The following ZFP62 variants were observed in gnomAD, a reference collection of about 807,000 sequenced individuals.
ZFP62 encodes ZFP62 zinc finger protein.
In ZFP62, 44 loss-of-function variants were observed where a neutral mutation model predicts 56.4. That is an observed-to-expected ratio of 0.78 (90% CI 0.61 to 1.00). ZFP62 has a LOEUF of 1.00. Ranked by LOEUF, ZFP62 falls within the 50% of genes least tolerant of loss-of-function variation. The pLI, the probability that ZFP62 is intolerant of heterozygous loss-of-function variation, is 0.00. For synonymous variants in ZFP62, 421 were observed against 388.9 expected, an observed-to-expected ratio of 1.08 and a Z score of -0.97; for missense variants, 1,030 against 1,085.7, an observed-to-expected ratio of 0.95 and a Z score of 0.72.
Position 180,851,370 on chromosome 5 carries a change from G to T in ZFP62, c.125C>A (p.Thr42Lys). 6.4e-7 allele frequency: 1 copy of T among 1,551,574 alleles called. No individual in the cohort carries two copies. Among genetic ancestry groups the T allele is most frequent in the Non-Finnish European group, 8.7e-7 (1 of 1,146,976 alleles). ...CTCTACCTTGCTATCCCAAACACAT[G>T]TGTCACCAACCTTAGATTCAGGCAT... ...DPMPESKVGD[T>K]CVWDSKVENQ... The change falls in exon 2 of 2, where the codon ACA becomes AAA. Residue 42 changes from threonine to lysine, a missense_variant. Thr to Lys is a moderately conservative substitution (Grantham distance 78). Coordinates refer to ENST00000502412, the MANE Select transcript of ZFP62 (RefSeq NM_001172638.2).
the ZFP62 span, among the ~76,000 whole-genome samples, chr5:180,837,956 G>GA: frequency 2.0e-5 from 3 of 152,050 alleles, no homozygotes; most frequent in Non-Finnish European, 2.9e-5. Flanking sequence ...TTTCCCTCAA[G>GA]AAAAAAACCT....
Position 180,851,141 on chromosome 5 carries a change from A to T in ZFP62, c.354T>A (p.Arg118=). 1 of 1,551,712 alleles carries T rather than the reference A, an allele frequency of 6.4e-7. No individual in the cohort carries two copies. Among genetic ancestry groups the T allele is most frequent in the South Asian group, 1.2e-5 (1 of 84,060 alleles). Residue 118 remains arginine (R), a synonymous_variant, in exon 2 of 2, where the codon CGT becomes CGA. Coordinates refer to ENST00000502412, the MANE Select transcript of ZFP62 (RefSeq NM_001172638.2). ...IGQRGSEQGK[R]VENINGTSYP... ...AGGAGGTTCCATTAATGTTCTCCACACGTTTGCCTTGCTCACTGCCTCTCT... is the reference window on the plus strand; with the variant it reads ...AGGAGGTTCCATTAATGTTCTCCACTCGTTTGCCTTGCTCACTGCCTCTCT...
chr5:180,860,452 T>C (rs1774238553), intron 1 of ZFP62: 1 of 152,128 alleles, frequency 6.6e-6, no homozygotes, highest in African/African-American at 2.4e-5. Context: ...TCCCCAGTGA[T>C]CTTTTCCGTC....
chr5:180,848,484 T>C lies in ZFP62; in HGVS notation c.*308A>G, dbSNP rs759945493. 4.4e-5 allele frequency: 48 copies of C among 1,081,192 alleles called. No individual in the cohort carries two copies. Among genetic ancestry groups the C allele is most frequent in the East Asian group, 5.9e-5 (1 of 16,886 alleles). 67.0% of individuals were successfully genotyped at this position (1,081,192 alleles called of 1,614,324 possible). ...ATTACGTAACTTCTAATTGAAGCCC[T>C]TTCCTCATCTGTGTTTTATGTCCAG... On this transcript the variant is annotated 3_prime_UTR_variant, in exon 2 of 2. Coordinates refer to ENST00000502412, the MANE Select transcript of ZFP62 (RefSeq NM_001172638.2).
chr5:180,850,672 G>A lies in ZFP62; in HGVS notation c.823C>T (p.His275Tyr). 1 of 1,593,656 alleles carries A rather than the reference G, an allele frequency of 6.3e-7. No individual in the cohort carries two copies. The highest frequency in any genetic ancestry group is 8.5e-7 in the Non-Finnish European group (1 of 1,169,830). The change falls in exon 2 of 2, where the codon CAC becomes TAC. Residue 275 changes from histidine to tyrosine, a missense_variant. Transcript: ENST00000502412. Reference sequence around the variant, plus strand: ...CATTCATAGGGCTTCTCCCCCGTGTGGATCCTTTTGTGGACTCTGAGCCCA... The same window carrying A: ...CATTCATAGGGCTTCTCCCCCGTGTAGATCCTTTTGTGGACTCTGAGCCCA... ...SSGLRVHKRI[H>Y]TGEKPYECDI...
rs1773475462 is a variant in ZFP62 at position 180,848,006 on chromosome 5, T to C, written c.*786A>G. On this transcript the variant is annotated 3_prime_UTR_variant, in exon 2 of 2. Transcript: ENST00000502412. ...CTCTCCACGGTAGAACCTTTTATTG[T>C]AGCATAATGTGTGAATACCACTTCC... is the stretch of plus-strand genomic sequence containing the variant. 1 of 985,358 alleles carries C rather than the reference T, an allele frequency of 1.0e-6. No homozygotes were observed. Among genetic ancestry groups the C allele is most frequent in the Non-Finnish European group, 1.2e-6 (1 of 829,946 alleles). The allele number at this position is 985,358 out of a possible 1,614,324, so 61.0% of individuals were successfully genotyped here.
chr5:180,845,644 A>G (rs1388873081), downstream of ZFP62: 3 of 894,572 alleles, frequency 3.4e-6, no homozygotes, highest in African/African-American at 3.6e-5. Context: ...CTGAAGCTGG[A>G]GAAGAGAAAT....
chr5:180,838,920 G>C, the ZFP62 span, among the ~76,000 whole-genome samples: 1 of 152,170 alleles, frequency 6.6e-6, no homozygotes, highest in African/African-American at 2.4e-5. Context: ...TCTGCCTTTA[G>C]AAATGTATTT....
intron 1 of ZFP62, chr5:180,852,126 G>T: frequency 1.6e-6 from 1 of 621,564 alleles, no homozygotes; most frequent in Non-Finnish European, 2.0e-6. Context: ...ACATAGACAG[G>T]CAAATGGAAT....
downstream of ZFP62, among the ~76,000 whole-genome samples, chr5:180,844,184 T>C (rs1417547846): frequency 2.0e-5 from 3 of 152,262 alleles, no homozygotes; most frequent in Non-Finnish European, 4.4e-5. Context: ...TTTAAAAAGA[T>C]AGTCAATTTA....
rs1197294026 is a variant in ZFP62, at chr5:180,851,317, TG to T, written c.177del (p.Asn59LysfsTer3). ...ATGCTGCTTTTGTCCTCCTTCATCC[TG>T]TTTTCCACAGGCTTTTTCTGTTGAT... ...VENQQKKPVE[N>X]RMKEDKSSIR... On this transcript the variant is annotated frameshift_variant, in exon 2 of 2. Transcript: ENST00000502412. LOFTEE classifies it high-confidence loss of function. The T allele has an allele frequency of 6.4e-7, 1 of 1,551,622 alleles. No homozygotes were observed. The highest frequency in any genetic ancestry group is 8.7e-7 in the Non-Finnish European group (1 of 1,147,010).
the ZFP62 span, among the ~76,000 whole-genome samples, chr5:180,832,368 G>T: frequency 6.6e-6 from 1 of 152,104 alleles, no homozygotes; most frequent in Non-Finnish European, 1.5e-5. Context: ...GCCCAGGCTG[G>T]TCTGAAACTC....
the ZFP62 span, among the ~76,000 whole-genome samples, chr5:180,833,736 T>C: frequency 6.6e-6 from 1 of 150,928 alleles, no homozygotes; most frequent in South Asian, 2.1e-4. Flanking sequence ...AGTGGCACGA[T>C]CTCGGCTCAC....
At chr5:180,842,077 TA>T in the ZFP62 span, among the ~76,000 whole-genome samples, 6 of 152,208 alleles carry the variant, frequency 3.9e-5, no homozygotes, top group East Asian at 1.2e-3. Context: ...AAAAGTCTAT[TA>T]CTGAGAAACA....
the ZFP62 span, among the ~76,000 whole-genome samples, chr5:180,842,214 G>C: frequency 1.3e-5 from 2 of 152,150 alleles, no homozygotes; most frequent in African/African-American, 4.8e-5. Flanking sequence ...GGGGACAAAA[G>C]GATGGAAACG....
At position 180,849,774 on chromosome 5, in the gene ZFP62, G is replaced by T; in HGVS notation, c.1721C>A (p.Ser574Ter). Residue 574 changes from serine to a stop codon, truncating the protein, a stop_gained, in exon 2 of 2, where the codon TCG becomes TAG. Transcript: ENST00000502412. LOFTEE classifies it high-confidence loss of function. The stretch of plus-strand genomic sequence containing the variant: ...TACACTTTTATGATTTATAAGGCTC[G>T]AGAGAGAGATGTATGCTTTCCCACA... ...EECGKAYISL[S>*]SLINHKSVHP... is the part of the protein sequence containing the mutation. 6.4e-7 allele frequency: 1 copy of T among 1,551,684 alleles called. No homozygotes were observed.
the ZFP62 span, among the ~76,000 whole-genome samples, chr5:180,829,389 A>G: frequency 6.6e-6 from 1 of 151,646 alleles, no homozygotes. Flanking sequence ...CTGTTCGTAC[A>G]CTCCCTCCCC....
the ZFP62 span, among the ~76,000 whole-genome samples, chr5:180,838,382 G>A: frequency 1.3e-5 from 2 of 152,166 alleles, no homozygotes; most frequent in African/African-American, 4.8e-5. Flanking sequence ...GTTGAGGAAG[G>A]GCTGAGGCAC....
the ZFP62 span, among the ~76,000 whole-genome samples, chr5:180,839,359 ACT>A: frequency 6.6e-6 from 1 of 152,172 alleles, no homozygotes; most frequent in South Asian, 2.1e-4. Context: ...AGCACAAATT[ACT>A]TAGTTTCTTT....
Sources: gnomAD v4.1 joint callset for allele counts (sites outside exome capture counted in the v4.1 genomes callset) on GRCh38, gnomAD v4.1.1 for gene constraint, MANE v1.5 for transcripts, NCBI Gene and HGNC (gene_info 2026-07-23, HGNC 2026-07-21) for gene names.